The following TRAF3 variants were observed in gnomAD, a reference collection of about 807,000 sequenced individuals.
The protein encoded by TRAF3 is TNF receptor associated factor 3.
TRAF3 carries 13 observed loss-of-function variants against 62.3 expected under a neutral mutation model. The ratio of observed to expected loss-of-function variants is 0.21; its 90% CI spans 0.14 to 0.33. The LOEUF (loss-of-function observed/expected upper bound fraction) is 0.33, where lower values mean the gene tolerates loss of function less well. TRAF3 is among the 10% of genes least tolerant of loss of function. TRAF3 has a pLI of 1.00. For missense variants in TRAF3, 440 were observed against 741.8 expected (o/e 0.59, Z 4.73); for synonymous variants, 269 against 283.4 (o/e 0.95, Z 0.51).
At position 102,798,034 on chromosome 14, in the gene TRAF3, G is replaced by A. The variant is rs530394887; in HGVS notation, c.-157+20359G>A. 2.0e-5 allele frequency among the ~76,000 whole-genome samples: 3 copies of A among 152,208 alleles called. No homozygotes were observed. In the South Asian group the frequency reaches 6.2e-4, roughly 32 times the overall value. On this transcript the variant is annotated intron_variant, in intron 1 of 11. Transcript: ENST00000392745. ...TTACAGGTGTGAGCCACCACGCCCAGCCTAGGCACTCGTATTTCTTAGTCG... is the reference window on the plus strand; with the variant it reads ...TTACAGGTGTGAGCCACCACGCCCAACCTAGGCACTCGTATTTCTTAGTCG...
intron 1 of TRAF3, among the ~76,000 whole-genome samples, chr14:102,794,373 G>A (rs753468030): frequency 1.3e-5 from 2 of 152,140 alleles, no homozygotes; most frequent in Non-Finnish European, 2.9e-5. Context: ...GTAGAGACAA[G>A]GTCTTAACTA....
At chr14:102,793,596 C>A (rs1217061192) in intron 1 of TRAF3, among the ~76,000 whole-genome samples, 3 of 152,194 alleles carry the variant, frequency 2.0e-5, no homozygotes, top group Non-Finnish European at 4.4e-5. Context: ...CCATGTACTT[C>A]CCCTCTTCTC....
intron 9 of TRAF3, among the ~76,000 whole-genome samples, chr14:102,893,387 CAAAA>C (rs75938667): frequency 2.6e-5 from 2 of 76,888 alleles, no homozygotes; most frequent in Non-Finnish European, 2.9e-5. Flanking sequence ...GAGACTGTCT[CAAAA>C]AAAAAAAAAA....
At chr14:102,893,040 T>C (rs1366348265) in intron 9 of TRAF3, among the ~76,000 whole-genome samples, 1 of 152,232 alleles carries the variant, frequency 6.6e-6, no homozygotes, top group Non-Finnish European at 1.5e-5. Context: ...ACAGGCTTTT[T>C]ATCTTTCATA....
intron 1 of TRAF3, among the ~76,000 whole-genome samples, chr14:102,817,680 G>A (rs1899617120): frequency 6.6e-6 from 1 of 152,194 alleles, no homozygotes; most frequent in Non-Finnish European, 1.5e-5. Context: ...TAAAGGTAAA[G>A]TTTGCATGAA....
At chr14:102,815,657 T>C (rs1899474871) in intron 1 of TRAF3, among the ~76,000 whole-genome samples, 1 of 152,234 alleles carries the variant, frequency 6.6e-6, no homozygotes, top group African/African-American at 2.4e-5. Context: ...TAGTCTGTTC[T>C]CATACTGCTA....
At chr14:102,857,928 C>T (rs989559922) in intron 2 of TRAF3, among the ~76,000 whole-genome samples, 12 of 152,152 alleles carry the variant, frequency 7.9e-5, no homozygotes, top group African/African-American at 2.7e-4. Context: ...CAAATATGCT[C>T]CAAATTTTGT....
chr14:102,836,974 A>T (rs58638472), intron 2 of TRAF3, among the ~76,000 whole-genome samples: 64,126 of 152,072 alleles, frequency 0.42, 18,704 homozygotes, highest in African/African-American at 0.83. Flanking sequence ...TAACTGTGAC[A>T]GAGTAGCGCA....
At chr14:102,887,337 C>T (rs887758891) in intron 7 of TRAF3, among the ~76,000 whole-genome samples, 1 of 152,182 alleles carries the variant, frequency 6.6e-6, no homozygotes, top group African/African-American at 2.4e-5. Flanking sequence ...CCTCGCATGC[C>T]CCTGACTGAG....
At chr14:102,891,076 AACCCTGAGATGCTCACTGTGGC>A (rs1393237643) in intron 8 of TRAF3, among the ~76,000 whole-genome samples, 1 of 152,220 alleles carries the variant, frequency 6.6e-6, no homozygotes, top group African/African-American at 2.4e-5. Context: ...ATGCGGAGAT[AACCCTGAGATGCTCACTGTGGC>A]ACTGCAGGGT....
chr14:102,805,214 G>T (rs1898696452), intron 1 of TRAF3, among the ~76,000 whole-genome samples: 1 of 152,166 alleles, frequency 6.6e-6, no homozygotes, highest in Admixed American at 6.5e-5. Context: ...CTCCCATCAT[G>T]GGGGAGTTTG....
chr14:102,809,819 C>T (rs1003816760), intron 1 of TRAF3, among the ~76,000 whole-genome samples: 11 of 152,146 alleles, frequency 7.2e-5, no homozygotes, highest in African/African-American at 2.4e-4. Context: ...CATGAGCCAC[C>T]GCGCTTGGCC....
At chr14:102,870,471 G>A (rs1350912234) in intron 3 of TRAF3, 25 bp downstream of exon 3, 3 of 1,610,122 alleles carry the variant, frequency 1.9e-6, no homozygotes, top group Non-Finnish European at 2.5e-6. Context: ...CCGGCCCGTC[G>A]CCCGGCCCCT....
At chr14:102,786,956 C>T (rs1897535241) in intron 1 of TRAF3, among the ~76,000 whole-genome samples, 1 of 152,270 alleles carries the variant, frequency 6.6e-6, no homozygotes, top group Admixed American at 6.5e-5. Flanking sequence ...ACTGTGTCAC[C>T]ATACTTCCGC....
chr14:102,888,445 A>G lies in TRAF3; in HGVS notation c.652-1115A>G, dbSNP rs556632529. Reference sequence around the variant, plus strand: ...CAGTGTCCCTCCTCCTTAGTTTCGCAGCAGGGATCCATTTTCCCCTCTGTT... The same window carrying G: ...CAGTGTCCCTCCTCCTTAGTTTCGCGGCAGGGATCCATTTTCCCCTCTGTT... On this transcript the variant is annotated intron_variant, in intron 7 of 11. Transcript: ENST00000392745. Among the ~76,000 whole-genome samples the G allele has an allele frequency of 3.3e-5, 5 of 152,274 alleles. No homozygotes were observed. In the South Asian group the frequency reaches 8.3e-4, roughly 25 times the overall value.
intron 1 of TRAF3, among the ~76,000 whole-genome samples, chr14:102,779,540 G>A (rs1434624549): frequency 6.6e-6 from 1 of 152,042 alleles, no homozygotes; most frequent in Admixed American, 6.6e-5. Context: ...CCTGCGTTGC[G>A]GATTCTGATT....
intron 2 of TRAF3, among the ~76,000 whole-genome samples, chr14:102,854,210 C>CT (rs902304980): frequency 2.6e-5 from 4 of 151,304 alleles, no homozygotes; most frequent in Admixed American, 6.6e-5. Context: ...GCTGTTTCTA[C>CT]TTTTTTTTTC....
At chr14:102,780,969 C>G (rs1330582658) in intron 1 of TRAF3, among the ~76,000 whole-genome samples, 1 of 152,034 alleles carries the variant, frequency 6.6e-6, no homozygotes, top group Non-Finnish European at 1.5e-5. Flanking sequence ...GGGTGCTAAC[C>G]CTTCGGGGGA....
rs1192723697 is a variant in TRAF3, at chr14:102,911,345, G to A, written c.*5561G>A. On this transcript the variant is annotated 3_prime_UTR_variant, in exon 12 of 12. Coordinates refer to ENST00000392745, the MANE Select transcript of TRAF3 (RefSeq NM_145725.3). The stretch of plus-strand genomic sequence containing the variant: ...TCTAGTTTTGTTTATTGTATATTAT[G>A]TGTGGTTTTATTTGGTATTTATTTG... 6.6e-6 allele frequency: 1 copy of A among 152,196 alleles called. No homozygotes were observed. The highest frequency in any genetic ancestry group is 6.5e-5 in the Admixed American group (1 of 15,286). 9.4% of individuals were successfully genotyped at this position (152,196 alleles called of 1,614,324 possible). A position where few individuals can be genotyped will look rare whatever the true frequency, so the allele number is the denominator to read the frequency against.
Sources: allele counts gnomAD v4.1 joint callset (sites outside exome capture counted in the v4.1 genomes callset), GRCh38; gene constraint gnomAD v4.1.1; transcripts MANE v1.5; gene names NCBI Gene and HGNC (gene_info 2026-07-23, HGNC 2026-07-21).